Variants in PRSS55 observed in about 807,000 individuals in gnomAD.
PRSS55 encodes serine protease 55, also known as probable serine protease UNQ9391/PRO34284.
PRSS55 carries 41 observed loss-of-function variants against 23.6 expected under a neutral mutation model. That is an observed-to-expected ratio of 1.74 (90% confidence interval 1.35 to 2.26). PRSS55 has a LOEUF of 2.26. PRSS55 is among the 30% of genes most tolerant of loss of function. The probability of loss-of-function intolerance (pLI) is 0.00; values close to 1 mark genes in which losing one functional copy is unlikely to be tolerated. For synonymous variants in PRSS55, 262 were observed against 175.5 expected (o/e 1.49, Z -3.90); for missense variants, 669 against 439.1 (o/e 1.52, Z -4.68).
downstream of PRSS55, among the ~76,000 whole-genome samples, chr8:10,543,722 GT>G (rs1331612191): frequency 1.0e-5 from 1 of 99,692 alleles, no homozygotes; most frequent in African/African-American, 2.8e-5. Context: ...ATATGTTTTT[GT>G]GTGTTATGTT....
chr8:10,539,851 G>C (rs897371642), downstream of PRSS55, among the ~76,000 whole-genome samples: 1 of 152,196 alleles, frequency 6.6e-6, no homozygotes, highest in Non-Finnish European at 1.5e-5. Context: ...TATCAGCTGT[G>C]TGGAAACGGA....
intron 4 of PRSS55, among the ~76,000 whole-genome samples, chr8:10,549,661 C>G (rs1812908723): frequency 6.6e-6 from 1 of 152,208 alleles, no homozygotes; most frequent in African/African-American, 2.4e-5. Context: ...GGGTACCAGG[C>G]AGGGGCTTCC....
At chr8:10,548,620 G>T (rs1465860784) in intron 4 of PRSS55, among the ~76,000 whole-genome samples, 1 of 152,158 alleles carries the variant, frequency 6.6e-6, no homozygotes, top group Non-Finnish European at 1.5e-5. Flanking sequence ...CCTTAGCCCC[G>T]GCCATTCCCC....
intron 4 of PRSS55, among the ~76,000 whole-genome samples, chr8:10,535,464 G>T (rs1260215378): frequency 6.6e-6 from 1 of 152,184 alleles, no homozygotes; most frequent in Admixed American, 6.5e-5. Context: ...ACAAGCAATG[G>T]GGAAAGGACT....
intron 3 of PRSS55, among the ~76,000 whole-genome samples, chr8:10,532,297 G>A (rs976420369): frequency 1.3e-5 from 2 of 152,132 alleles, no homozygotes; most frequent in Admixed American, 6.5e-5. Context: ...AGGCACATGG[G>A]CATGCACAAG....
Position 10,531,364 on chromosome 8 carries a change from C to G in PRSS55, c.417C>G (p.Val139=), listed in dbSNP as rs144205813. The G allele has an allele frequency of 1.9e-6, 3 of 1,613,998 alleles. No homozygotes were observed. Among genetic ancestry groups the G allele is most frequent in the Non-Finnish European group, 2.5e-6 (3 of 1,180,034 alleles). Residue 139 remains valine, a synonymous_variant, in exon 3 of 5, where the codon GTC becomes GTG. Coordinates refer to ENST00000328655, the MANE Select transcript of PRSS55 (RefSeq NM_198464.4). ...LTSPSMEIKE[V]ASIILHKDFK... is the part of the protein sequence containing the mutation. ...GCCCATCCATGGAAATAAAGGAGGT[C>G]GCCAGCATCATTCTTCACAAAGACT... is the stretch of plus-strand genomic sequence containing the variant.
At chr8:10,528,151 A>T (rs908442000) in intron 1 of PRSS55, among the ~76,000 whole-genome samples, 1 of 148,876 alleles carries the variant, frequency 6.7e-6, no homozygotes, top group Non-Finnish European at 1.5e-5. Flanking sequence ...GTGAGCCGAG[A>T]TGGTGCCACT....
At chr8:10,540,785 G>T (rs945510401), downstream of PRSS55, 1 of 152,174 alleles carries the variant, frequency 6.6e-6, no homozygotes, top group Non-Finnish European at 1.5e-5. Flanking sequence ...CTCCTCCAGA[G>T]GTCCTACAGC....
At chr8:10,554,027 A>G (rs377421198) in exon 5 of PRSS55, 2 of 1,525,978 alleles carry the variant, frequency 1.3e-6, no homozygotes. Context: ...TCATCTGCAA[A>G]ACTGATGCTT....
rs1811987003 is a variant in PRSS55 at position 10,525,622 on chromosome 8, G to A, written c.37G>A (p.Val13Ile). Residue 13 changes from valine (V) to isoleucine (I), a missense_variant, in exon 1 of 5, where the codon GTC becomes ATC. Coordinates refer to ENST00000328655, the MANE Select transcript of PRSS55 (RefSeq NM_198464.4). Reference sequence around the variant, plus strand: ...CTCAGTGTTGCTGCTCCTGTCCCTGGTCACGGGAACTCAGCTCGGTCCACG... The same window carrying A: ...CTCAGTGTTGCTGCTCCTGTCCCTGATCACGGGAACTCAGCTCGGTCCACG... ...LFSVLLLLSL[V>I]TGTQLGPRTP... 1.2e-6 allele frequency: 2 copies of A among 1,614,148 alleles called. No individual in the cohort carries two copies. The highest frequency in any genetic ancestry group is 4.5e-5 in the East Asian group (2 of 44,872).
chr8:10,535,771 C>A (rs544698076), intron 4 of PRSS55, among the ~76,000 whole-genome samples: 7 of 152,288 alleles, frequency 4.6e-5, no homozygotes, highest in Non-Finnish European at 8.8e-5. Context: ...ACAGAGTAAA[C>A]AGACAACCTA....
intron 4 of PRSS55, among the ~76,000 whole-genome samples, chr8:10,544,688 T>G (rs945600844): frequency 6.6e-6 from 1 of 152,238 alleles, no homozygotes; most frequent in African/African-American, 2.4e-5. Context: ...GTTTTCTTAG[T>G]AGTTGCACTA....
chr8:10,545,621 ACCAAGC>A (rs1377165179), intron 4 of PRSS55, among the ~76,000 whole-genome samples: 1 of 152,232 alleles, frequency 6.6e-6, no homozygotes, highest in Non-Finnish European at 1.5e-5. Context: ...CCACCTGGCT[ACCAAGC>A]CCAGGCTTTC....
intron 4 of PRSS55, among the ~76,000 whole-genome samples, chr8:10,537,614 A>G (rs191622325): frequency 2.6e-5 from 4 of 152,228 alleles, no homozygotes; most frequent in African/African-American, 9.6e-5. Context: ...CGTTCTTAAT[A>G]CAAAGAAATG....
chr8:10,542,419 G>GGGAATTA (rs60800512), downstream of PRSS55, among the ~76,000 whole-genome samples: 3 of 133,504 alleles, frequency 2.2e-5, no homozygotes, highest in Admixed American at 7.4e-5. Context: ...CCATGCGGGG[G>GGGAATTA]AAAAAAAAAA....
chr8:10,542,718 A>AT (rs1812692587), downstream of PRSS55, among the ~76,000 whole-genome samples: 1 of 151,740 alleles, frequency 6.6e-6, no homozygotes, highest in Admixed American at 6.6e-5. Context: ...AAATACAAAA[A>AT]AAAAATTAGC....
At chr8:10,541,756 C>A (rs192444415), downstream of PRSS55, among the ~76,000 whole-genome samples, 334 of 152,224 alleles carry the variant, frequency 2.2e-3, 1 homozygote, top group African/African-American at 7.7e-3. Flanking sequence ...AGCAATGTTG[C>A]TGTTTCACTT....
chr8:10,548,100 C>T (rs370945533), intron 4 of PRSS55, among the ~76,000 whole-genome samples: 1 of 152,136 alleles, frequency 6.6e-6, no homozygotes, highest in Non-Finnish European at 1.5e-5. Context: ...GATCTCTGGG[C>T]CTTTCCAGAA....
At chr8:10,534,334 C>G (rs558620473) in intron 4 of PRSS55, among the ~76,000 whole-genome samples, 2 of 152,154 alleles carry the variant, frequency 1.3e-5, no homozygotes, top group African/African-American at 4.8e-5. Flanking sequence ...GATGCAAGAA[C>G]GCACTACACA....
Sources: allele counts gnomAD v4.1 joint callset (sites outside exome capture counted in the v4.1 genomes callset), GRCh38; gene constraint gnomAD v4.1.1; transcripts MANE v1.5; gene names NCBI Gene and HGNC (gene_info 2026-07-23, HGNC 2026-07-21).